Variants in PLCL2 observed in about 807,000 individuals in gnomAD.
The protein encoded by PLCL2 is phospholipase C like 2, also known as inactive phospholipase C-like protein 2.
PLCL2 carries 4 observed loss-of-function variants against 79.6 expected under a neutral mutation model. That is an observed-to-expected ratio of 0.05 (90% CI 0.02 to 0.11). The LOEUF (loss-of-function observed/expected upper bound fraction) is 0.11, where lower values mean the gene tolerates loss of function less well. Ranked by LOEUF, PLCL2 falls within the 10% of genes least tolerant of loss-of-function variation. The probability of loss-of-function intolerance (pLI) is 1.00; values close to 1 mark genes in which losing one functional copy is unlikely to be tolerated. For synonymous variants in PLCL2, 484 were observed against 457.7 expected (o/e 1.06, Z -0.73); for missense variants, 895 against 1,291.0 (o/e 0.69, Z 4.70).
intron 1 of PLCL2, among the ~76,000 whole-genome samples, chr3:16,889,904 G>A (rs899401177): frequency 1.1e-4 from 17 of 152,056 alleles, no homozygotes; most frequent in African/African-American, 2.7e-4. Context: ...CAAAGATACC[G>A]CATGCCCAGC....
At chr3:16,906,782 C>T (rs1696761574) in intron 1 of PLCL2, among the ~76,000 whole-genome samples, 2 of 152,128 alleles carry the variant, frequency 1.3e-5, no homozygotes, top group Admixed American at 6.5e-5. Context: ...GAGTAAAAAT[C>T]TATTTTAAAA....
intron 1 of PLCL2, among the ~76,000 whole-genome samples, chr3:16,937,745 C>T (rs1363878678): frequency 2.0e-5 from 3 of 152,114 alleles, no homozygotes; most frequent in Non-Finnish European, 1.5e-5. Context: ...GTGTTTTCCT[C>T]GCATATGGTT....
At chr3:16,999,928 C>CT (rs1358580940) in intron 1 of PLCL2, among the ~76,000 whole-genome samples, 5 of 152,172 alleles carry the variant, frequency 3.3e-5, no homozygotes, top group African/African-American at 1.2e-4. Flanking sequence ...TGCCTTTACT[C>CT]TGGCATTTAA....
At chr3:17,053,305 G>T (rs1656482719) in intron 4 of PLCL2, among the ~76,000 whole-genome samples, 1 of 152,166 alleles carries the variant, frequency 6.6e-6, no homozygotes, top group African/African-American at 2.4e-5. Flanking sequence ...GCTGGAGCAG[G>T]AGGGTTGGAG....
chr3:16,905,647 G>A (rs1364107451), intron 1 of PLCL2, among the ~76,000 whole-genome samples: 1 of 152,160 alleles, frequency 6.6e-6, no homozygotes, highest in Admixed American at 6.5e-5. Flanking sequence ...AATTTTGTAG[G>A]CATGTGCATA....
chr3:16,932,045 A>G (rs1036519327), intron 1 of PLCL2, among the ~76,000 whole-genome samples: 1 of 152,186 alleles, frequency 6.6e-6, no homozygotes, highest in African/African-American at 2.4e-5. Context: ...GGCCCTCACC[A>G]GAACCCGACC....
At chr3:17,017,879 G>A (rs41327448) in intron 3 of PLCL2, among the ~76,000 whole-genome samples, 4,374 of 152,252 alleles carry the variant, frequency 0.029, 233 homozygotes, top group African/African-American at 0.1. Flanking sequence ...TGAAAACGGA[G>A]AATGCAGATC....
intron 4 of PLCL2, among the ~76,000 whole-genome samples, chr3:17,062,249 A>G (rs1198347180): frequency 6.6e-6 from 1 of 152,180 alleles, no homozygotes; most frequent in East Asian, 1.9e-4. Context: ...ATTAATTGGT[A>G]TTCCTGCATG....
chr3:16,906,666 C>T lies in PLCL2; in HGVS notation c.327+21300C>T, dbSNP rs576284917. ...GTTTATTTTGTGAATATATGTAATA[C>T]TTTTTACATAATAAATTATTTTCTA... On this transcript the variant is annotated intron_variant, in intron 1 of 5. Transcript: ENST00000615277. Among the ~76,000 whole-genome samples, 15 of 152,212 alleles carry T rather than the reference C, an allele frequency of 9.9e-5. 1 individual carries two copies. The highest frequency in any genetic ancestry group is 3.6e-4 in the African/African-American group (15 of 41,526).
chr3:16,955,951 A>T (rs1281303224), intron 1 of PLCL2, among the ~76,000 whole-genome samples: 3 of 152,164 alleles, frequency 2.0e-5, no homozygotes, highest in African/African-American at 7.2e-5. Flanking sequence ...GGTTTTCGAG[A>T]TATACAATCA....
intron 5 of PLCL2, among the ~76,000 whole-genome samples, chr3:17,074,273 A>C (rs1292917668): frequency 3.3e-5 from 5 of 152,242 alleles, no homozygotes; most frequent in African/African-American, 7.2e-5. Flanking sequence ...ATGACCAGGT[A>C]CATTGTTGAT....
intron 3 of PLCL2, among the ~76,000 whole-genome samples, chr3:17,015,560 A>C (rs2064374918): frequency 6.6e-6 from 1 of 152,164 alleles, no homozygotes; most frequent in East Asian, 1.9e-4. Context: ...GGTGAAGGAC[A>C]CCCATTTCAA....
intron 4 of PLCL2, among the ~76,000 whole-genome samples, chr3:17,063,228 C>CCCTT (rs2064969815): frequency 1.1e-4 from 8 of 73,454 alleles, no homozygotes; most frequent in Non-Finnish European, 2.0e-4. Context: ...CTTCCTTCCT[C>CCCTT]CCTCCCTCCC....
chr3:17,058,153 G>C (rs1014496095), intron 4 of PLCL2, among the ~76,000 whole-genome samples: 2 of 152,188 alleles, frequency 1.3e-5, no homozygotes, highest in Admixed American at 1.3e-4. Flanking sequence ...CAAGAAGGTG[G>C]TTTGTCTAAG....
At chr3:17,078,034 T>C (rs2065124894) in intron 5 of PLCL2, among the ~76,000 whole-genome samples, 1 of 152,236 alleles carries the variant, frequency 6.6e-6, no homozygotes, top group Non-Finnish European at 1.5e-5. Context: ...CCTCTAAGCA[T>C]TTATTTCAAG....
At chr3:16,954,523 A>G (rs1231715771) in intron 1 of PLCL2, among the ~76,000 whole-genome samples, 3 of 151,992 alleles carry the variant, frequency 2.0e-5, no homozygotes, top group Admixed American at 6.6e-5. Flanking sequence ...ATGATTTATA[A>G]TCCTTTGGGT....
At chr3:16,961,874 A>T (rs1054265230) in intron 1 of PLCL2, among the ~76,000 whole-genome samples, 1 of 152,184 alleles carries the variant, frequency 6.6e-6, no homozygotes, top group African/African-American at 2.4e-5. Context: ...AGGGTCTGAG[A>T]CAGCTCTAGT....
intron 1 of PLCL2, among the ~76,000 whole-genome samples, chr3:16,944,373 C>T (rs2063581859): frequency 6.6e-6 from 1 of 152,166 alleles, no homozygotes; most frequent in East Asian, 1.9e-4. Context: ...AGGCCAAGAA[C>T]ATTGGAGTCA....
chr3:17,044,743 CTG>C (rs1181829890), intron 4 of PLCL2, among the ~76,000 whole-genome samples: 14 of 151,968 alleles, frequency 9.2e-5, no homozygotes, highest in African/African-American at 1.7e-4. Flanking sequence ...TTGAAAAAAA[CTG>C]TTTATCAGAA....
Sources: gnomAD v4.1 joint callset for allele counts (sites outside exome capture counted in the v4.1 genomes callset) on GRCh38, gnomAD v4.1.1 for gene constraint, MANE v1.5 for transcripts, NCBI Gene and HGNC (gene_info 2026-07-23, HGNC 2026-07-21) for gene names.